Variants in LRP1B observed in about 807,000 individuals in gnomAD.
The protein encoded by LRP1B is LDL receptor related protein 1B.
Under a neutral mutation model 556.6 loss-of-function variants are expected in LRP1B, and 217 were observed. The ratio of observed to expected loss-of-function variants is 0.39; its 90% CI spans 0.35 to 0.44. LRP1B has a LOEUF of 0.44. Ranked by LOEUF, LRP1B falls within the 20% of genes least tolerant of loss-of-function variation. LRP1B has a pLI of 1.00. For synonymous variants in LRP1B, 2,047 were observed against 1,865.8 expected, an observed-to-expected ratio of 1.10 and a Z score of -2.50; for missense variants, 5,053 against 5,620.8, an observed-to-expected ratio of 0.90 and a Z score of 3.23.
At chr2:142,017,126 A>G (rs1465144185) in intron 1 of LRP1B, among the ~76,000 whole-genome samples, 3 of 152,008 alleles carry the variant, frequency 2.0e-5, no homozygotes, top group Non-Finnish European at 4.4e-5. Flanking sequence ...GATACTTGAT[A>G]GATATTTAAA....
intron 2 of LRP1B, among the ~76,000 whole-genome samples, chr2:141,590,892 T>C (rs1033732805): frequency 6.6e-6 from 1 of 152,164 alleles, no homozygotes; most frequent in Non-Finnish European, 1.5e-5. Flanking sequence ...CTTTCCGTTG[T>C]TCCTGTGTGC....
intron 7 of LRP1B, among the ~76,000 whole-genome samples, chr2:141,177,383 C>T (rs1029038017): frequency 5.3e-5 from 8 of 152,062 alleles, no homozygotes; most frequent in African/African-American, 1.9e-4. Context: ...TAATAAAAAA[C>T]TAAACCATCT....
chr2:140,971,425 A>T (rs1696420245), intron 18 of LRP1B, among the ~76,000 whole-genome samples: 1 of 152,204 alleles, frequency 6.6e-6, no homozygotes, highest in Non-Finnish European at 1.5e-5. Context: ...ACTGTGCAAG[A>T]ATAAATTTCT....
intron 7 of LRP1B, among the ~76,000 whole-genome samples, chr2:141,146,651 T>A (rs941303669): frequency 6.6e-6 from 1 of 152,194 alleles, no homozygotes; most frequent in African/African-American, 2.4e-5. Context: ...ACATATATGG[T>A]TGTCTATACA....
intron 35 of LRP1B, among the ~76,000 whole-genome samples, chr2:140,727,682 G>A (rs1212663440): frequency 6.6e-6 from 1 of 152,166 alleles, no homozygotes; most frequent in African/African-American, 2.4e-5. Context: ...ATTCCAGCCA[G>A]AGTGATGAGC....
chr2:141,232,764 C>T (rs1683519681), intron 5 of LRP1B, among the ~76,000 whole-genome samples: 1 of 152,088 alleles, frequency 6.6e-6, no homozygotes, highest in South Asian at 2.1e-4. Context: ...GGAAGGATAC[C>T]TACATAAGTT....
intron 37 of LRP1B, among the ~76,000 whole-genome samples, chr2:140,705,041 T>C (rs1159769350): frequency 6.6e-6 from 1 of 152,018 alleles, no homozygotes; most frequent in Admixed American, 6.6e-5. Flanking sequence ...TGATCCACAG[T>C]CCACATGGCC....
intron 47 of LRP1B, among the ~76,000 whole-genome samples, chr2:140,530,603 T>C (rs1360908804): frequency 6.6e-6 from 1 of 152,136 alleles, no homozygotes; most frequent in Non-Finnish European, 1.5e-5. Context: ...TAATCTTTCA[T>C]CCAAATAGCT....
chr2:141,378,900 C>T (rs1016060876), intron 3 of LRP1B, among the ~76,000 whole-genome samples: 1 of 152,000 alleles, frequency 6.6e-6, no homozygotes, highest in Non-Finnish European at 1.5e-5. Context: ...AGCAGACAAC[C>T]ACTCATATAA....
intron 41 of LRP1B, among the ~76,000 whole-genome samples, chr2:140,671,196 A>G (rs560744717): frequency 3.9e-5 from 6 of 152,278 alleles, no homozygotes; most frequent in Non-Finnish European, 7.4e-5. Context: ...ATACAAGCCC[A>G]TATTTCTTTT....
intron 3 of LRP1B, among the ~76,000 whole-genome samples, chr2:141,270,306 T>A (rs1049373433): frequency 4.6e-5 from 7 of 151,990 alleles, no homozygotes; most frequent in African/African-American, 1.4e-4. Context: ...AAATAACCAG[T>A]TTTGGTGATG....
At chr2:141,675,012 A>T (rs183983164) in intron 2 of LRP1B, among the ~76,000 whole-genome samples, 86 of 151,994 alleles carry the variant, frequency 5.7e-4, no homozygotes, top group African/African-American at 2.0e-3. Context: ...CTCACTTATG[A>T]CTGAGCATAC....
chr2:140,238,527 C>A (rs1558917905), intron 88 of LRP1B, among the ~76,000 whole-genome samples: 1 of 150,916 alleles, frequency 6.6e-6, no homozygotes, highest in Non-Finnish European at 1.5e-5. Flanking sequence ...GAAATGACAT[C>A]ATTTGAAATT....
At chr2:140,537,409 C>T (rs13004900) in intron 45 of LRP1B, among the ~76,000 whole-genome samples, 5,943 of 151,732 alleles carry the variant, frequency 0.039, 161 homozygotes, top group Non-Finnish European at 0.064. Context: ...ATGAACAATC[C>T]GGACTTTTCC....
Position 140,334,570 on chromosome 2 carries a change from C to A in LRP1B, c.12117-11G>T, listed in dbSNP as rs753861149. The A allele has an allele frequency of 6.6e-7, 1 of 1,504,260 alleles. No individual in the cohort carries two copies. The allele number at this position is 1,504,260 out of a possible 1,614,324, so 93.2% of individuals were successfully genotyped here. A position where few individuals can be genotyped will look rare whatever the true frequency, so the allele number is the denominator to read the frequency against. Reference sequence around the variant, plus strand: ...GTCCAGTACATCATCCTGAAGAGAGCGGGTCAGAGAGGTTAGCCTGGTGAT... The same window carrying A: ...GTCCAGTACATCATCCTGAAGAGAGAGGGTCAGAGAGGTTAGCCTGGTGAT... On this transcript the variant is annotated splice_polypyrimidine_tract_variant and intron_variant, in intron 78 of 90. Transcript: ENST00000389484.
intron 56 of LRP1B, 24 bp from the exon 57 acceptor site, chr2:140,492,717 A>G (rs767701553): frequency 2.0e-6 from 3 of 1,487,138 alleles, no homozygotes; most frequent in Non-Finnish European, 2.8e-6. Flanking sequence ...CAAATAACAT[A>G]TTAGACTTTA....
chr2:141,781,483 A>G (rs972814727), intron 2 of LRP1B, among the ~76,000 whole-genome samples: 5 of 152,140 alleles, frequency 3.3e-5, no homozygotes, highest in African/African-American at 9.7e-5. Context: ...TTGAAACCCA[A>G]TGCAAAAATA....
intron 1 of LRP1B, among the ~76,000 whole-genome samples, chr2:142,119,882 T>G (rs1433728143): frequency 6.6e-6 from 1 of 152,058 alleles, no homozygotes; most frequent in African/African-American, 2.4e-5. Context: ...TATTTTCTAG[T>G]TTTGGTTTTA....
intron 2 of LRP1B, among the ~76,000 whole-genome samples, chr2:141,772,697 T>A (rs1816608): frequency 0.3 from 45,983 of 152,084 alleles, 7,291 homozygotes; most frequent in African/African-American, 0.42. Context: ...AGTCTCTCAA[T>A]CTGGAATACT....
Sources: gnomAD v4.1 joint callset for allele counts (sites outside exome capture counted in the v4.1 genomes callset) on GRCh38, gnomAD v4.1.1 for gene constraint, MANE v1.5 for transcripts, NCBI Gene and HGNC (gene_info 2026-07-23, HGNC 2026-07-21) for gene names.